Variants in TNFRSF11B observed in about 807,000 individuals in gnomAD.
TNFRSF11B encodes the protein tumor necrosis factor receptor superfamily member 11B.
TNFRSF11B carries 16 observed loss-of-function variants against 43.4 expected under a neutral mutation model. The observed-to-expected ratio is 0.37, with a 90% CI of 0.25 to 0.56. The LOEUF is 0.56. Ranked by LOEUF, TNFRSF11B falls within the 20% of genes least tolerant of loss-of-function variation. The pLI, the probability that TNFRSF11B is intolerant of heterozygous loss-of-function variation, is 0.80. For missense variants in TNFRSF11B, 444 were observed against 490.1 expected, an observed-to-expected ratio of 0.91 and a Z score of 0.89; for synonymous variants, 185 against 181.8, an observed-to-expected ratio of 1.02 and a Z score of -0.14.
In TNFRSF11B at chr8:118,924,837, G is replaced by A. The variant is rs1462543850; in HGVS notation, c.818-75C>T. On this transcript the variant is annotated intron_variant, in intron 4 of 4. Transcript: ENST00000297350. ...CAATGCCATCATAAAACAAGCGTGAGGCAAAAGGTTCTTGCAGAATTTCAT... is the reference window on the plus strand; with the variant it reads ...CAATGCCATCATAAAACAAGCGTGAAGCAAAAGGTTCTTGCAGAATTTCAT... The A allele has an allele frequency of 8.2e-6, 13 of 1,584,608 alleles. No individual in the cohort carries two copies. The East Asian group carries it at 8.9e-5, about 11-fold the overall frequency.
chr8:118,935,413 A>G (rs1256861425), intron 1 of TNFRSF11B, among the ~76,000 whole-genome samples: 1 of 152,186 alleles, frequency 6.6e-6, no homozygotes, highest in Non-Finnish European at 1.5e-5. Context: ...CTTGCCTTCA[A>G]GTTCATACTT....
In TNFRSF11B at chr8:118,924,174, C is replaced by G; in HGVS notation, c.*200G>C. 1.7e-6 allele frequency: 1 copy of G among 582,436 alleles called. No individual in the cohort carries two copies. The highest frequency in any genetic ancestry group is 2.1e-5 in the South Asian group (1 of 48,024). 36.1% of individuals were successfully genotyped at this position (582,436 alleles called of 1,614,324 possible). A position where few individuals can be genotyped will look rare whatever the true frequency, so the allele number is the denominator to read the frequency against. On this transcript the variant is annotated 3_prime_UTR_variant, in exon 5 of 5. Transcript: ENST00000297350. ...TCAGTAGATAACGATCCAGATCTGACAGTTGGATTAACCATTTGGGGTTTA... is the reference window on the plus strand; with the variant it reads ...TCAGTAGATAACGATCCAGATCTGAGAGTTGGATTAACCATTTGGGGTTTA...
intron 1 of TNFRSF11B, among the ~76,000 whole-genome samples, chr8:118,934,909 C>T (rs1218429981): frequency 6.6e-6 from 1 of 152,182 alleles, no homozygotes; most frequent in Non-Finnish European, 1.5e-5. Flanking sequence ...AGCATTTGAA[C>T]ATTTTAACTG....
At chr8:118,937,776 T>C (rs1317350022) in intron 1 of TNFRSF11B, among the ~76,000 whole-genome samples, 1 of 152,158 alleles carries the variant, frequency 6.6e-6, no homozygotes. Flanking sequence ...TTAGTTTCAA[T>C]CAATTAGTTT....
intron 1 of TNFRSF11B, among the ~76,000 whole-genome samples, chr8:118,935,993 G>C (rs1221581971): frequency 6.6e-6 from 1 of 152,104 alleles, no homozygotes; most frequent in African/African-American, 2.4e-5. Context: ...AGAATAGGAT[G>C]GGAAAACTCC....
chr8:118,946,090 G>T (rs1434025911), intron 1 of TNFRSF11B, among the ~76,000 whole-genome samples: 1 of 151,916 alleles, frequency 6.6e-6, no homozygotes, highest in Admixed American at 6.6e-5. Context: ...TACTTTTTTT[G>T]GAAGGGCTTT....
Position 118,951,777 on chromosome 8 carries a change from G to A in TNFRSF11B, c.30+15C>T, listed in dbSNP as rs3102734. ...CCCAGGCGCCGGGCACCCGTCGGCT[G>A]GCCCAGGGACTTACCACGAGCGCGC... On this transcript the variant is annotated intron_variant, in intron 1 of 4. Transcript: ENST00000297350. 0.062 allele frequency: 97,650 copies of A among 1,585,750 alleles called. 3,784 individuals carry two copies. Among genetic ancestry groups the A allele is most frequent in the African/African-American group, 0.17 (12,456 of 74,268 alleles).
At chr8:118,929,000 G>A in intron 2 of TNFRSF11B, 71 bp from the exon 3 acceptor site, 1 of 1,423,990 alleles carries the variant, frequency 7.0e-7, no homozygotes, top group Admixed American at 1.7e-5. Context: ...TCTTAACACA[G>A]TTTTGGAAAG....
intron 4 of TNFRSF11B, among the ~76,000 whole-genome samples, chr8:118,925,503 G>A (rs569837588): frequency 9.2e-5 from 14 of 152,254 alleles, no homozygotes; most frequent in African/African-American, 2.2e-4. Context: ...CTAATTATAC[G>A]TTCAAAGAAT....
At position 118,933,203 on chromosome 8, in the gene TNFRSF11B, T is replaced by A; in HGVS notation, c.128A>T (p.Lys43Ile). Residue 43 changes from lysine to isoleucine, a missense_variant, in exon 2 of 5, where the codon AAA (lysine) becomes ATA (isoleucine). Coordinates refer to ENST00000297350, the MANE Select transcript of TNFRSF11B (RefSeq NM_002546.4). The stretch of plus-strand genomic sequence containing the variant: ...TTTTAGGTAGGTACCAGGAGGACAT[T>A]TGTCACACAACAGCTGATGAGAGGT... ...EETSHQLLCD[K>I]CPPGTYLKQH... 1 of 1,614,150 alleles carries A rather than the reference T, an allele frequency of 6.2e-7. No individual in the cohort carries two copies. Among genetic ancestry groups the A allele is most frequent in the East Asian group, 2.2e-5 (1 of 44,878 alleles).
intron 1 of TNFRSF11B, among the ~76,000 whole-genome samples, chr8:118,946,199 A>C (rs997801451): frequency 2.6e-5 from 4 of 152,014 alleles, no homozygotes; most frequent in African/African-American, 7.3e-5. Flanking sequence ...CTACTCAAGC[A>C]CCTCGGAAAT....
intron 1 of TNFRSF11B, among the ~76,000 whole-genome samples, chr8:118,944,189 A>G (rs1812527539): frequency 6.6e-6 from 1 of 152,108 alleles, no homozygotes; most frequent in South Asian, 2.1e-4. Context: ...TGGCTTAAAA[A>G]CAGCACAGGT....
rs1488004440 is a variant in TNFRSF11B at position 118,924,693 on chromosome 8, C to T, written c.887G>A (p.Arg296His). ...GHANLTFEQL[R>H]SLMESLPGKK... ...TCCCGGTAAGCTTTCCATCAAGCTA[C>T]GAAGCTGCTCGAAGGTGAGGTTAGC... The change falls in exon 5 of 5, where the codon CGT becomes CAT. Residue 296 changes from arginine (R) to histidine (H), a missense_variant. By Grantham distance (29) the Arg-to-His change is conservative. Coordinates refer to ENST00000297350, the MANE Select transcript of TNFRSF11B (RefSeq NM_002546.4). The T allele has an allele frequency of 5.6e-6, 9 of 1,614,158 alleles. No individual in the cohort carries two copies. Among genetic ancestry groups the T allele is most frequent in the Non-Finnish European group, 7.6e-6 (9 of 1,180,036 alleles).
chr8:118,938,387 G>C (rs1050596066), intron 1 of TNFRSF11B, among the ~76,000 whole-genome samples: 7 of 152,130 alleles, frequency 4.6e-5, no homozygotes, highest in African/African-American at 1.4e-4. Flanking sequence ...TACTTAGAAT[G>C]TTTAATCATT....
chr8:118,948,158 T>C (rs950684676), intron 1 of TNFRSF11B, among the ~76,000 whole-genome samples: 16 of 152,192 alleles, frequency 1.1e-4, no homozygotes, highest in African/African-American at 3.6e-4. Context: ...AATATCCTGA[T>C]AATTTTGGCA....
At chr8:118,926,855 A>G in intron 3 of TNFRSF11B, 137 bp from the exon 4 acceptor site, 1 of 911,030 alleles carries the variant, frequency 1.1e-6, no homozygotes, top group Admixed American at 2.1e-5. Context: ...AAGTTTGAAT[A>G]AAATCAAGCT....
rs11573814 is a variant in TNFRSF11B at position 118,950,309 on chromosome 8, C to A, written c.30+1483G>T. Reference sequence around the variant, plus strand: ...TTAAATCAATTGTGGTGTGTCCATACAATGGAATACCATACAGCAATGACA... The same window carrying A: ...TTAAATCAATTGTGGTGTGTCCATAAAATGGAATACCATACAGCAATGACA... On this transcript the variant is annotated intron_variant, in intron 1 of 4. Coordinates refer to ENST00000297350, the MANE Select transcript of TNFRSF11B (RefSeq NM_002546.4). Among the ~76,000 whole-genome samples the A allele has an allele frequency of 2.3e-4, 35 of 152,290 alleles. No homozygotes were observed. In the South Asian group the frequency reaches 4.1e-3, roughly 18 times the overall value.
rs201475481 is a variant in TNFRSF11B at position 118,924,496 on chromosome 8, T to C, written c.1084A>G (p.Thr362Ala). 1 of 1,614,054 alleles carries C rather than the reference T, an allele frequency of 6.2e-7. No homozygotes were observed. The highest frequency in any genetic ancestry group is 8.5e-7 in the Non-Finnish European group (1 of 1,179,916). ...CTGATGGTCTTCTTTAGACTCTGAG[T>C]GACAGTTTTGGGAAAGTGGTACGTC... The part of the protein sequence containing the change: ...SKTYHFPKTV[T>A]QSLKKTIRFL... The change falls in exon 5 of 5, where the codon ACT becomes GCT. Residue 362 changes from threonine to alanine, a missense_variant. Physicochemically the swap from Thr to Ala is moderately conservative, Grantham distance 58 (BLOSUM62 0). Transcript: ENST00000297350.
intron 4 of TNFRSF11B, among the ~76,000 whole-genome samples, chr8:118,925,260 A>G (rs1812232478): frequency 6.6e-6 from 1 of 152,360 alleles, no homozygotes; most frequent in African/African-American, 2.4e-5. Flanking sequence ...CATGAGGTCG[A>G]GGAACTAAAG....
Sources: gnomAD v4.1 joint callset for allele counts (sites outside exome capture counted in the v4.1 genomes callset) on GRCh38, gnomAD v4.1.1 for gene constraint, MANE v1.5 for transcripts, NCBI Gene and HGNC (gene_info 2026-07-23, HGNC 2026-07-21) for gene names.